The following VPS13B variants were observed in gnomAD, a reference collection of about 807,000 sequenced individuals.
VPS13B encodes intermembrane lipid transfer protein VPS13B.
Under a neutral mutation model 426.4 loss-of-function variants are expected in VPS13B, and 285 were observed. That is an observed-to-expected ratio of 0.67 (90% CI 0.61 to 0.74). The LOEUF (loss-of-function observed/expected upper bound fraction) is 0.74. Among genes scored for constraint, VPS13B ranks in the 30% least tolerant of loss-of-function variants. VPS13B has a pLI of 0.00. For synonymous variants in VPS13B, 1,676 were observed against 1,676.4 expected (o/e 1.00, Z 0.01); for missense variants, 4,537 against 4,782.6 (o/e 0.95, Z 1.51).
chr8:99,075,216 T>A (rs1414413934), intron 3 of VPS13B, among the ~76,000 whole-genome samples: 1 of 152,186 alleles, frequency 6.6e-6, no homozygotes, highest in Non-Finnish European at 1.5e-5. Context: ...GACTAGGTAA[T>A]TTATAATGAA....
intron 21 of VPS13B, among the ~76,000 whole-genome samples, chr8:99,425,330 A>G (rs901090574): frequency 7.9e-5 from 12 of 152,212 alleles, no homozygotes; most frequent in African/African-American, 2.9e-4. Flanking sequence ...AATACTGACA[A>G]ACCAAATCCA....
chr8:99,029,330 C>T (rs1456680559), intron 2 of VPS13B, among the ~76,000 whole-genome samples: 2 of 147,072 alleles, frequency 1.4e-5, no homozygotes, highest in African/African-American at 5.1e-5. Context: ...ACATCCCAGA[C>T]GATGGGCGGC....
At chr8:99,646,296 C>T (rs1163763649) in intron 34 of VPS13B, among the ~76,000 whole-genome samples, 2 of 152,114 alleles carry the variant, frequency 1.3e-5, no homozygotes, top group Non-Finnish European at 2.9e-5. Context: ...GGGTGGATCA[C>T]TTGAGCTAAG....
intron 19 of VPS13B, among the ~76,000 whole-genome samples, chr8:99,286,868 A>C (rs1819469687): frequency 6.6e-6 from 1 of 152,118 alleles, no homozygotes; most frequent in Non-Finnish European, 1.5e-5. Flanking sequence ...TACCACCGGC[A>C]GAGGGCAGTA....
At chr8:99,572,344 G>A (rs564039751) in intron 31 of VPS13B, among the ~76,000 whole-genome samples, 4 of 152,154 alleles carry the variant, frequency 2.6e-5, no homozygotes, top group South Asian at 4.2e-4. Flanking sequence ...AAGTTCTAGG[G>A]TAGATGTGCA....
intron 35 of VPS13B, among the ~76,000 whole-genome samples, chr8:99,692,939 A>C (rs892906566): frequency 6.7e-6 from 1 of 149,910 alleles, no homozygotes; most frequent in African/African-American, 2.5e-5. Flanking sequence ...AAACTAGAAA[A>C]TCTAGAAGAA....
intron 17 of VPS13B, among the ~76,000 whole-genome samples, chr8:99,217,844 A>G (rs909302279): frequency 2.0e-5 from 3 of 152,216 alleles, no homozygotes; most frequent in South Asian, 2.1e-4. Context: ...CTTATTATCT[A>G]TGGTGACTTT....
rs186090269 is a variant in VPS13B, at chr8:99,185,586, T to C, written c.2334-7290T>C. On this transcript the variant is annotated intron_variant, in intron 16 of 61. Coordinates refer to ENST00000357162, the MANE Select transcript of VPS13B (RefSeq NM_152564.5). ...GGAACCAGTTTGTAGGTTCAAACTT[T>C]GCATTTTGGGACTCTATATAAATCT... 2.7e-3 allele frequency among the ~76,000 whole-genome samples: 405 copies of C among 152,300 alleles called. 10 individuals carry two copies. Among genetic ancestry groups the C allele is most frequent in the Admixed American group, 0.021 (325 of 15,306 alleles).
chr8:99,058,245 T>A (rs905396830), intron 3 of VPS13B, among the ~76,000 whole-genome samples: 1 of 152,038 alleles, frequency 6.6e-6, no homozygotes, highest in African/African-American at 2.4e-5. Context: ...AATATGAGAA[T>A]GTAGCTGTCT....
intron 24 of VPS13B, among the ~76,000 whole-genome samples, chr8:99,470,749 A>G (rs1819359298): frequency 6.6e-6 from 1 of 151,958 alleles, no homozygotes; most frequent in Non-Finnish European, 1.5e-5. Flanking sequence ...ATAACTACAG[A>G]AAACTTTGCA....
intron 25 of VPS13B, among the ~76,000 whole-genome samples, chr8:99,498,219 C>G (rs1356434385): frequency 1.3e-5 from 2 of 152,076 alleles, no homozygotes; most frequent in African/African-American, 4.8e-5. Context: ...ATCTGGGGAA[C>G]ACTTTGAAAT....
At chr8:99,505,599 A>T (rs547277010) in intron 27 of VPS13B, among the ~76,000 whole-genome samples, 230 of 152,306 alleles carry the variant, frequency 1.5e-3, no homozygotes, top group African/African-American at 5.1e-3. Context: ...GATGTCCTGA[A>T]ATAATTATGA....
chr8:99,175,840 C>G (rs1812598748), intron 16 of VPS13B, among the ~76,000 whole-genome samples: 1 of 152,172 alleles, frequency 6.6e-6, no homozygotes, highest in Non-Finnish European at 1.5e-5. Flanking sequence ...CCATTCAGAG[C>G]TGATAGAAAT....
chr8:99,384,324 G>A lies in VPS13B; in HGVS notation c.2934+7G>A, dbSNP rs368439781. ...AAGTAGACATATGCAACAGGTAAGA[G>A]ATTTTTAAATAATTTTTTCTGTTAA... On this transcript the variant is annotated splice_region_variant and intron_variant, in intron 20 of 61. Coordinates refer to ENST00000357162, the MANE Select transcript of VPS13B (RefSeq NM_152564.5). 1 of 1,605,474 alleles carries A rather than the reference G, an allele frequency of 6.2e-7. No homozygotes were observed. Among genetic ancestry groups the A allele is most frequent in the Non-Finnish European group, 8.5e-7 (1 of 1,172,868 alleles).
At chr8:99,857,319 T>A (rs1816600100) in intron 56 of VPS13B, among the ~76,000 whole-genome samples, 1 of 152,206 alleles carries the variant, frequency 6.6e-6, no homozygotes, top group Non-Finnish European at 1.5e-5. Flanking sequence ...TGGGGGACAC[T>A]GCTTGGCCAT....
chr8:99,314,332 T>C (rs1313063482), intron 19 of VPS13B, among the ~76,000 whole-genome samples: 1 of 152,106 alleles, frequency 6.6e-6, no homozygotes, highest in Admixed American at 6.5e-5. Context: ...TTGTTTTGTG[T>C]CATAACATGT....
Position 99,250,664 on chromosome 8 carries a change from C to CT in VPS13B, c.2516-23496dup, listed in dbSNP as rs60698750. ...CTGTCCACTAATCCGTGTGTTTATT[C>CT]TTTTTTTTTTTTTTTTTTTTTTTTT... On this transcript the variant is annotated intron_variant, in intron 17 of 61. Coordinates refer to ENST00000357162, the MANE Select transcript of VPS13B (RefSeq NM_152564.5). Among the ~76,000 whole-genome samples, 17 of 35,804 alleles carry CT rather than the reference C, an allele frequency of 4.7e-4. 3 individuals carry two copies. Among genetic ancestry groups the CT allele is most frequent in the East Asian group, 1.1e-3 (1 of 882 alleles). 23.5% of individuals were successfully genotyped at this position (35,804 alleles called of 152,430 possible).
intron 36 of VPS13B, among the ~76,000 whole-genome samples, chr8:99,715,401 C>T (rs1399880195): frequency 6.6e-6 from 1 of 152,132 alleles, no homozygotes; most frequent in South Asian, 2.1e-4. Context: ...CTTTCACTCA[C>T]TCATATTATT....
At chr8:99,335,622 C>T (rs1810800706) in intron 19 of VPS13B, among the ~76,000 whole-genome samples, 1 of 152,074 alleles carries the variant, frequency 6.6e-6, no homozygotes, top group Non-Finnish European at 1.5e-5. Context: ...ACCCCATTGT[C>T]TCAGCCCAAA....
Sources: allele counts gnomAD v4.1 joint callset (sites outside exome capture counted in the v4.1 genomes callset), GRCh38; gene constraint gnomAD v4.1.1; transcripts MANE v1.5; gene names NCBI Gene and HGNC (gene_info 2026-07-23, HGNC 2026-07-21).